CHST1: variants seen among roughly 807,000 people sequenced by gnomAD.
The protein encoded by CHST1 is Keratan sulfotransferase.
CHST1 carries 10 observed loss-of-function variants against 22.5 expected under a neutral mutation model. The ratio of observed to expected loss-of-function variants is 0.44; its 90% CI spans 0.27 to 0.75. The LOEUF is 0.75. Ranked by LOEUF, CHST1 falls within the 30% of genes least tolerant of loss-of-function variation. CHST1 has a pLI of 0.15. For synonymous variants in CHST1, 267 were observed against 264.5 expected, an observed-to-expected ratio of 1.01 and a Z score of -0.09; for missense variants, 439 against 576.1, an observed-to-expected ratio of 0.76 and a Z score of 2.44.
intron 1 of CHST1, among the ~76,000 whole-genome samples, chr11:45,654,691 C>A (rs1852039050): frequency 6.6e-6 from 1 of 152,254 alleles, no homozygotes; most frequent in Non-Finnish European, 1.5e-5. Flanking sequence ...CTCCCTCTAC[C>A]TCTGCTTAGT....
At position 45,650,549 on chromosome 11, in the gene CHST1, C is replaced by T; in HGVS notation, c.375G>A (p.Arg125=). The stretch of plus-strand genomic sequence containing the variant: ...AGTAGAGGTCGCAGTCGTAGAGGCT[C>T]CGCAGGAGGTCGCGGCTGGCGCCTA... ...VMLGASRDLL[R]SLYDCDLYFL... Residue 125 remains arginine, a synonymous_variant, in exon 4 of 4, where the codon CGG becomes CGA. Coordinates refer to ENST00000308064, the MANE Select transcript of CHST1 (RefSeq NM_003654.6). 1 of 1,613,968 alleles carries T rather than the reference C, an allele frequency of 6.2e-7. No individual in the cohort carries two copies. The highest frequency in any genetic ancestry group is 8.5e-7 in the Non-Finnish European group (1 of 1,179,986).
chr11:45,649,621 G>A lies in CHST1; in HGVS notation c.*67C>T. ...AGAGGGAGGGGTTAATAAGGCAACA[G>A]TTAAAAACGGTCCATTTTATCAAAA... is the stretch of plus-strand genomic sequence containing the variant. On this transcript the variant is annotated 3_prime_UTR_variant, in exon 4 of 4. Coordinates refer to ENST00000308064, the MANE Select transcript of CHST1 (RefSeq NM_003654.6). 6.8e-7 allele frequency: 1 copy of A among 1,473,402 alleles called. No individual in the cohort carries two copies. Among genetic ancestry groups the A allele is most frequent in the Non-Finnish European group, 9.0e-7 (1 of 1,108,314 alleles). The allele number at this position is 1,473,402 out of a possible 1,614,324, so 91.3% of individuals were successfully genotyped here. A position where few individuals can be genotyped will look rare whatever the true frequency, so the allele number is the denominator to read the frequency against.
At chr11:45,653,395 G>A (rs955183867) in intron 1 of CHST1, among the ~76,000 whole-genome samples, 7 of 152,216 alleles carry the variant, frequency 4.6e-5, no homozygotes, top group South Asian at 2.1e-4. Context: ...ACTTCTCAAC[G>A]TGATCAGAGA....
Position 45,651,176 on chromosome 11 carries a change from G to A in CHST1, c.-42-211C>T, listed in dbSNP as rs910708431. 33 of 386,190 alleles carry A rather than the reference G, an allele frequency of 8.5e-5. No homozygotes were observed. The Middle Eastern group carries it at 2.0e-3, about 23-fold the overall frequency. 23.9% of individuals were successfully genotyped at this position (386,190 alleles called of 1,614,324 possible). On this transcript the variant is annotated intron_variant, in intron 3 of 3. Coordinates refer to ENST00000308064, the MANE Select transcript of CHST1 (RefSeq NM_003654.6). ...TTGGGGAGCTGAACAAACATTCCTT[G>A]CACCCCAGGATTTAACCTGCGGACA...
intron 1 of CHST1, among the ~76,000 whole-genome samples, chr11:45,663,388 T>A (rs1310360250): frequency 6.6e-6 from 1 of 151,882 alleles, no homozygotes; most frequent in African/African-American, 2.4e-5. Flanking sequence ...GGGGGATACA[T>A]CCCTCTCCCA....
In CHST1 at chr11:45,665,176, A is replaced by C; in HGVS notation, c.-227+2T>G. ...CCGGAGCCCGCGGGGCCCGGCCAAT[A>C]CCTGGTCGGGGACGCGCCGGGAGCA... On this transcript the variant is annotated splice_donor_variant, in intron 1 of 3. Transcript: ENST00000308064. LOFTEE classifies it low-confidence loss of function (5UTR_SPLICE). The surrounding 1 kb of genome is among the most constrained non-coding windows in gnomAD (Gnocchi z 4.0). 2 of 150,266 alleles carry C rather than the reference A, an allele frequency of 1.3e-5. No individual in the cohort carries two copies. Among genetic ancestry groups the C allele is most frequent in the Non-Finnish European group, 3.0e-5 (2 of 67,332 alleles). The allele number at this position is 150,266 out of a possible 1,614,324, so 9.3% of individuals were successfully genotyped here. A position where few individuals can be genotyped will look rare whatever the true frequency, so the allele number is the denominator to read the frequency against.
At chr11:45,653,995 T>G (rs1408512845) in intron 1 of CHST1, among the ~76,000 whole-genome samples, 1 of 152,154 alleles carries the variant, frequency 6.6e-6, no homozygotes, top group Non-Finnish European at 1.5e-5. Flanking sequence ...GGCAACGTGC[T>G]AGGAAGTCCA....
At chr11:45,658,462 C>T (rs183775226) in intron 1 of CHST1, among the ~76,000 whole-genome samples, 1 of 152,322 alleles carries the variant, frequency 6.6e-6, no homozygotes, top group East Asian at 1.9e-4. Context: ...TCCACTGAAG[C>T]GCCAGCAGCC....
In CHST1 at chr11:45,649,663, C is replaced by A. The variant is rs1373221986; in HGVS notation, c.*25G>T. On this transcript the variant is annotated 3_prime_UTR_variant, in exon 4 of 4. Transcript: ENST00000308064. ...TTATCAAAACCGACACCTTGCGCCT[C>A]CCGCCCCCACCCGCACCGCCCGGGT... 6.6e-7 allele frequency: 1 copy of A among 1,518,756 alleles called. No homozygotes were observed. Among genetic ancestry groups the A allele is most frequent in the Admixed American group, 2.1e-5 (1 of 46,550 alleles). 94.1% of individuals were successfully genotyped at this position (1,518,756 alleles called of 1,614,324 possible).
At position 45,650,325 on chromosome 11, in the gene CHST1, C is replaced by T. The variant is rs1183334269; in HGVS notation, c.599G>A (p.Arg200His). The T allele has an allele frequency of 6.2e-7, 1 of 1,603,878 alleles. No homozygotes were observed. The stretch of plus-strand genomic sequence containing the variant: ...CACCGTCTTGATGGCCACGTGGCTG[C>T]GCTCGCGGCACGCCTCGGCCGCCAC... ...LTVAAEACRE[R>H]SHVAIKTVRV... Residue 200 changes from arginine (R) to histidine (H), a missense_variant, in exon 4 of 4, where the codon CGC becomes CAC. Transcript: ENST00000308064.
At chr11:45,652,716 C>T (rs4148899) in intron 1 of CHST1, 110 bp from the exon 2 acceptor site, 61,632 of 152,122 alleles carry the variant, frequency 0.41, 13,669 homozygotes, top group East Asian at 0.51. Context: ...GACAGTTTTG[C>T]GCCAAGCCCC....
chr11:45,661,050 G>A (rs548199921), intron 1 of CHST1, among the ~76,000 whole-genome samples: 2 of 152,370 alleles, frequency 1.3e-5, no homozygotes, highest in African/African-American at 4.8e-5. Context: ...AAACTTGATA[G>A]CTTTCTTGAT....
rs1240264426 is a variant in CHST1, at chr11:45,649,452, G to A, written c.*236C>T. ...GACCCAACATCCATGTGTCTGAATGGGGGGGGGGGGGGCGGGACCCTACTT... is the reference window on the plus strand; with the variant it reads ...GACCCAACATCCATGTGTCTGAATGAGGGGGGGGGGGGCGGGACCCTACTT... On this transcript the variant is annotated 3_prime_UTR_variant, in exon 4 of 4. Coordinates refer to ENST00000308064, the MANE Select transcript of CHST1 (RefSeq NM_003654.6). The A allele has an allele frequency of 2.5e-5, 9 of 363,428 alleles. No homozygotes were observed. The African/African-American group carries it at 7.7e-4, about 31-fold the overall frequency. The allele number at this position is 363,428 out of a possible 1,614,324, so 22.5% of individuals were successfully genotyped here. A position where few individuals can be genotyped will look rare whatever the true frequency, so the allele number is the denominator to read the frequency against.
At chr11:45,661,266 T>A (rs961603264) in intron 1 of CHST1, among the ~76,000 whole-genome samples, 2 of 152,208 alleles carry the variant, frequency 1.3e-5, no homozygotes, top group African/African-American at 2.4e-5. Context: ...AGGAAGGGGC[T>A]GGAGGGCCGC....
chr11:45,650,693 G>C lies in CHST1; in HGVS notation c.231C>G (p.Gly77=). ...CGTCCAGGTGCTGGTTGAAGAGCTG[G>C]CCCACGAAGGAGGAGCCACTGCGCG... ...ATTRSGSSFV[G]QLFNQHLDVF... Residue 77 remains glycine, a synonymous_variant, in exon 4 of 4, where the codon GGC becomes GGG. Coordinates refer to ENST00000308064, the MANE Select transcript of CHST1 (RefSeq NM_003654.6). 1 of 1,614,116 alleles carries C rather than the reference G, an allele frequency of 6.2e-7. No individual in the cohort carries two copies. Among genetic ancestry groups the C allele is most frequent in the Non-Finnish European group, 8.5e-7 (1 of 1,179,990 alleles).
At chr11:45,658,519 G>T (rs1296937598) in intron 1 of CHST1, among the ~76,000 whole-genome samples, 1 of 152,210 alleles carries the variant, frequency 6.6e-6, no homozygotes, top group Admixed American at 6.5e-5. Context: ...GACCTTGTCT[G>T]GGGTAAGGAA....
At position 45,649,902 on chromosome 11, in the gene CHST1, G is replaced by A. The variant is rs57330063; in HGVS notation, c.1022C>T (p.Thr341Ile). The change falls in exon 4 of 4, where the codon ACC (threonine) becomes ATC (isoleucine). Residue 341 changes from threonine to isoleucine, a missense_variant. Transcript: ENST00000308064. Reference protein sequence around the residue: ...WIQNNTRGDPTLGKHKYGTVR... With the variant: ...WIQNNTRGDPILGKHKYGTVR... ...GGTGCCGTATTTGTGCTTGCCCAGGGTGGGGTCGCCCCGCGTGTTGTTCTG... is the reference window on the plus strand; with the variant it reads ...GGTGCCGTATTTGTGCTTGCCCAGGATGGGGTCGCCCCGCGTGTTGTTCTG... 0.02 allele frequency: 32,734 copies of A among 1,611,976 alleles called. 392 individuals carry two copies. Among genetic ancestry groups the A allele is most frequent in the Non-Finnish European group, 0.025 (29,257 of 1,180,004 alleles).
chr11:45,651,238 T>A, intron 3 of CHST1: 1 of 242,334 alleles, frequency 4.1e-6, no homozygotes, highest in East Asian at 8.1e-5. Context: ...CTGAGTTCCT[T>A]AGAGGGGCCT....
Position 45,650,607 on chromosome 11 carries a change from T to G in CHST1, c.317A>C (p.Gln106Pro), listed in dbSNP as rs1237953104. ...VQNTLIPRFT[Q>P]GKSPADRRVM... is the part of the protein sequence containing the mutation. ...CCGCCGGTCGGCCGGGCTCTTGCCC[T>G]GGGTGAAGCGGGGGATGAGCGTGTT... The change falls in exon 4 of 4, where the codon CAG becomes CCG. Residue 106 changes from glutamine (Q) to proline (P), a missense_variant. Transcript: ENST00000308064. 6.2e-7 allele frequency: 1 copy of G among 1,613,890 alleles called. No individual in the cohort carries two copies. Among genetic ancestry groups the G allele is most frequent in the African/African-American group, 1.3e-5 (1 of 74,926 alleles).
Sources: allele counts gnomAD v4.1 joint callset (sites outside exome capture counted in the v4.1 genomes callset), GRCh38; gene constraint gnomAD v4.1.1; non-coding constraint Gnocchi (gnomAD v3.1); transcripts MANE v1.5; gene names NCBI Gene and HGNC (gene_info 2026-07-23, HGNC 2026-07-21).